The following ANK3 variants were observed in gnomAD, a reference collection of about 807,000 sequenced individuals.
ANK3 encodes the protein ankyrin-3.
A neutral mutation model predicts 370.9 loss-of-function variants in ANK3; 57 were observed. The ratio of observed to expected loss-of-function variants is 0.15; its 90% CI spans 0.12 to 0.19. The LOEUF (loss-of-function observed/expected upper bound fraction) is 0.19, where lower values mean the gene tolerates loss of function less well. Among genes scored for constraint, ANK3 ranks in the 10% least tolerant of loss-of-function variants. The pLI is 1.00. For missense variants in ANK3, 4,439 were observed against 5,302.1 expected (o/e 0.84, Z 5.06); for synonymous variants, 1,929 against 1,946.3 (o/e 0.99, Z 0.23).
At chr10:60,624,440 A>G (rs900373098) in intron 1 of ANK3, among the ~76,000 whole-genome samples, 1 of 152,154 alleles carries the variant, frequency 6.6e-6, no homozygotes, top group African/African-American at 2.4e-5. Context: ...GGAAAGAACA[A>G]CTGGAAGCTT....
chr10:60,280,089 G>A (rs2098139651), intron 1 of ANK3, among the ~76,000 whole-genome samples: 1 of 152,038 alleles, frequency 6.6e-6, no homozygotes, highest in Non-Finnish European at 1.5e-5. Flanking sequence ...TTAGAGACAG[G>A]GTCTCACTTT....
chr10:60,390,827 C>T, upstream of ANK3, among the ~76,000 whole-genome samples: 1 of 148,662 alleles, frequency 6.7e-6, no homozygotes, highest in East Asian at 2.0e-4. Flanking sequence ...GATGAAAATA[C>T]TTTGTTAGCA....
At position 60,134,185 on chromosome 10, in the gene ANK3, T is replaced by C. The variant is rs568947041; in HGVS notation, c.2841+86A>G. 11 of 1,088,238 alleles carry C rather than the reference T, an allele frequency of 1.0e-5. No individual in the cohort carries two copies. The East Asian group carries it at 1.7e-4, about 17-fold the overall frequency. 67.4% of individuals were successfully genotyped at this position (1,088,238 alleles called of 1,614,324 possible). On this transcript the variant is annotated intron_variant, in intron 25 of 43. Coordinates refer to ENST00000280772, the MANE Select transcript of ANK3 (RefSeq NM_020987.5). The stretch of plus-strand genomic sequence containing the variant: ...ATGTAAAATCAAACATGCAGAAATA[T>C]ATTTTTTGTCACAAGACAGAGAGCT...
intron 2 of ANK3, among the ~76,000 whole-genome samples, chr10:60,444,542 T>C (rs1015721392): frequency 1.3e-5 from 2 of 151,950 alleles, no homozygotes; most frequent in Admixed American, 1.3e-4. Context: ...TGTTTTCCAT[T>C]CACCCACTTT....
At chr10:60,278,712 A>G (rs2098123297) in intron 4 of ANK3, 62 bp downstream of exon 4, 2 of 1,317,810 alleles carry the variant, frequency 1.5e-6, no homozygotes, top group Admixed American at 3.4e-5. Flanking sequence ...CAAGCACCTG[A>G]CCCAAAGAAC....
intron 1 of ANK3, among the ~76,000 whole-genome samples, chr10:60,722,869 A>T (rs534837737): frequency 2.0e-4 from 30 of 152,292 alleles, no homozygotes; most frequent in African/African-American, 6.3e-4. Context: ...CAAAATTGGA[A>T]GCTTCCTGAT....
chr10:60,643,507 T>TAC (rs2078664979), intron 1 of ANK3, among the ~76,000 whole-genome samples: 1 of 52,378 alleles, frequency 1.9e-5, no homozygotes, highest in Non-Finnish European at 4.5e-5. Context: ...TTTATATCTA[T>TAC]CTATCTATCT....
At chr10:60,243,045 G>A (rs1464557263) in intron 7 of ANK3, among the ~76,000 whole-genome samples, 1 of 152,068 alleles carries the variant, frequency 6.6e-6, no homozygotes, top group Non-Finnish European at 1.5e-5. Context: ...CATTTTTGGA[G>A]CACCTAAGAG....
At position 60,071,133 on chromosome 10, in the gene ANK3, C is replaced by G; in HGVS notation, c.9748G>C (p.Ala3250Pro). Residue 3250 changes from alanine to proline, a missense_variant, in exon 37 of 44, where the codon GCC (alanine) becomes CCC (proline). Physicochemically the swap from Ala to Pro is conservative, Grantham distance 27 (BLOSUM62 -1). Around this residue, in one of 13 missense-constraint regions of ANK3, gnomAD observed 1,601 missense variants for 1,731.7 expected, o/e 0.92. Transcript: ENST00000280772. ...GGAGGAGGGGGAAATTCAATATAGG[C>G]AACTCTGTTATTTTTGGGTCTTTGG... ...SNQRPKNNRVAYIEFPPPPPL... is the reference protein window; with the variant it reads ...SNQRPKNNRVPYIEFPPPPPL... The G allele has an allele frequency of 2.5e-6, 4 of 1,614,108 alleles. No individual in the cohort carries two copies. The highest frequency in any genetic ancestry group is 3.4e-6 in the Non-Finnish European group (4 of 1,180,010).
rs118092509 is a variant in ANK3 at position 60,560,139 on chromosome 10, C to T, written c.96+55047G>A. On this transcript the variant is annotated intron_variant, in intron 2 of 43. Transcript: ENST00000373827. ...TATATATAATATCTAGAGTTTACCTCCAAAAAACCTTTTATACAAAGATAA... is the reference window on the plus strand; with the variant it reads ...TATATATAATATCTAGAGTTTACCTTCAAAAAACCTTTTATACAAAGATAA... Among the ~76,000 whole-genome samples, 145 of 152,050 alleles carry T rather than the reference C, an allele frequency of 9.5e-4. No individual in the cohort carries two copies. In the East Asian group the frequency reaches 0.026, roughly 27 times the overall value.
chr10:60,455,461 A>T (rs1198601721), intron 2 of ANK3, among the ~76,000 whole-genome samples: 1 of 152,210 alleles, frequency 6.6e-6, no homozygotes, highest in African/African-American at 2.4e-5. Context: ...ATAATAACGC[A>T]CTAGGGGCCT....
intron 1 of ANK3, among the ~76,000 whole-genome samples, chr10:60,615,910 C>T (rs1021719983): frequency 2.6e-5 from 4 of 152,154 alleles, no homozygotes; most frequent in Admixed American, 6.5e-5. Flanking sequence ...GAAGAAATAC[C>T]TTTAGCTCAT....
At chr10:60,456,849 T>C (rs2064761770) in intron 2 of ANK3, among the ~76,000 whole-genome samples, 1 of 152,198 alleles carries the variant, frequency 6.6e-6, no homozygotes, top group Admixed American at 6.6e-5. Context: ...TTCCTGCTGC[T>C]AGGTCTGGTT....
intron 8 of ANK3, among the ~76,000 whole-genome samples, chr10:60,218,841 C>T (rs529820642): frequency 8.3e-4 from 126 of 152,058 alleles, no homozygotes; most frequent in Non-Finnish European, 1.4e-3. Context: ...TTTGCTAGGT[C>T]GGGTAAGTTC....
intron 2 of ANK3, among the ~76,000 whole-genome samples, chr10:60,479,574 A>C (rs533691141): frequency 6.6e-6 from 1 of 152,290 alleles, no homozygotes; most frequent in Admixed American, 6.5e-5. Context: ...TGAAATCCTA[A>C]AATCAAATTA....
intron 1 of ANK3, among the ~76,000 whole-genome samples, chr10:60,723,928 A>C (rs990829256): frequency 2.0e-5 from 3 of 151,944 alleles, no homozygotes; most frequent in Non-Finnish European, 4.4e-5. Context: ...AAAGAAATGG[A>C]GGCTGGGCGC....
At chr10:60,353,010 G>T (rs575528442) in intron 1 of ANK3, among the ~76,000 whole-genome samples, 50 of 152,162 alleles carry the variant, frequency 3.3e-4, no homozygotes, top group African/African-American at 1.2e-3. Flanking sequence ...TTGAGACAGG[G>T]TCTCACTCTG....
intron 1 of ANK3, among the ~76,000 whole-genome samples, chr10:60,699,162 C>T (rs2079511923): frequency 1.3e-5 from 2 of 151,654 alleles, no homozygotes; most frequent in African/African-American, 4.8e-5. Flanking sequence ...TAGAAGACTA[C>T]AAAAAGGGTG....
In ANK3 at chr10:60,070,661, G is replaced by C; in HGVS notation, c.10220C>G (p.Thr3407Arg). Residue 3407 changes from threonine to arginine, a missense_variant, in exon 37 of 44, where the codon ACG becomes AGG. Around this residue, in one of 13 missense-constraint regions of ANK3, gnomAD observed 1,601 missense variants for 1,731.7 expected, o/e 0.92. Transcript: ENST00000280772. The surrounding 1 kb of genome is among the most constrained non-coding windows in gnomAD (Gnocchi z 5.7). ...IATTAEFSHD[T>R]DATEIDSLDG... ...CAGAGAGTCGATCTCTGTGGCATCC[G>C]TGTCATGAGAAAACTCTGCTGTGGT... is the stretch of plus-strand genomic sequence containing the variant. 1 of 1,614,136 alleles carries C rather than the reference G, an allele frequency of 6.2e-7. No homozygotes were observed. Among genetic ancestry groups the C allele is most frequent in the Non-Finnish European group, 8.5e-7 (1 of 1,180,022 alleles).
Sources: allele counts gnomAD v4.1 joint callset (sites outside exome capture counted in the v4.1 genomes callset), GRCh38; gene constraint gnomAD v4.1.1; regional missense constraint gnomAD v4.1.1; non-coding constraint Gnocchi (gnomAD v3.1); transcripts MANE v1.5; gene names NCBI Gene and HGNC (gene_info 2026-07-23, HGNC 2026-07-21).